PDGFC: variants seen among roughly 807,000 people sequenced by gnomAD.
PDGFC encodes the protein platelet-derived growth factor C.
A neutral mutation model predicts 35.5 loss-of-function variants in PDGFC; 12 were observed. That is an observed-to-expected ratio of 0.34 (90% confidence interval 0.22 to 0.55). PDGFC has a LOEUF of 0.55. Ranked by LOEUF, PDGFC falls within the 20% of genes least tolerant of loss-of-function variation. PDGFC has a pLI of 0.91. For synonymous variants in PDGFC, 159 were observed against 148.8 expected, an observed-to-expected ratio of 1.07 and a Z score of -0.50; for missense variants, 322 against 412.4, an observed-to-expected ratio of 0.78 and a Z score of 1.90.
At chr4:156,766,901 G>C (rs1160709813) in intron 5 of PDGFC, among the ~76,000 whole-genome samples, 2 of 152,020 alleles carry the variant, frequency 1.3e-5, no homozygotes, top group African/African-American at 4.8e-5. Flanking sequence ...CTGAAATCTT[G>C]ATGCATATGA....
chr4:156,944,508 T>C (rs958009869), intron 1 of PDGFC, among the ~76,000 whole-genome samples: 6 of 152,154 alleles, frequency 3.9e-5, no homozygotes, highest in African/African-American at 1.2e-4. Context: ...GTGTGTCTCT[T>C]ACATACTTTC....
intron 3 of PDGFC, chr4:156,779,282 C>T (rs763003413): frequency 1.4e-5 from 6 of 434,514 alleles, no homozygotes; most frequent in Non-Finnish European, 2.8e-5. Context: ...ATTTTTAAGC[C>T]GGCAATGAAA....
At chr4:156,954,503 A>G (rs993614782) in intron 1 of PDGFC, among the ~76,000 whole-genome samples, 1 of 151,994 alleles carries the variant, frequency 6.6e-6, no homozygotes, top group African/African-American at 2.4e-5. Flanking sequence ...ATTCAAAACA[A>G]AAAATACGTC....
chr4:156,912,604 C>T (rs897316356), intron 1 of PDGFC, among the ~76,000 whole-genome samples: 3 of 152,058 alleles, frequency 2.0e-5, no homozygotes, highest in African/African-American at 4.8e-5. Context: ...AGTTCTGAAA[C>T]TGACAGTATT....
intron 1 of PDGFC, among the ~76,000 whole-genome samples, chr4:156,915,069 A>C (rs143662028): frequency 0.013 from 1,979 of 152,236 alleles, 46 homozygotes; most frequent in African/African-American, 0.045. Context: ...CACACACACA[A>C]AAAAATGGCC....
At chr4:156,770,295 A>G (rs1244793969) in intron 4 of PDGFC, 1 of 152,030 alleles carries the variant, frequency 6.6e-6, no homozygotes, top group Non-Finnish European at 1.5e-5. Flanking sequence ...AGAGGAAGAA[A>G]GTGAAAGAAA....
intron 1 of PDGFC, among the ~76,000 whole-genome samples, chr4:156,962,089 C>T (rs928601512): frequency 1.8e-4 from 27 of 152,276 alleles, no homozygotes; most frequent in African/African-American, 6.5e-4. Flanking sequence ...GAATCTTAGA[C>T]ATGAAGACTT....
At chr4:156,837,968 G>A (rs1270296410) in intron 2 of PDGFC, among the ~76,000 whole-genome samples, 1 of 150,380 alleles carries the variant, frequency 6.6e-6, no homozygotes, top group African/African-American at 2.5e-5. Context: ...AGCCCTCTTG[G>A]GAATGATTTT....
chr4:156,924,063 C>G (rs1731350623), intron 1 of PDGFC, among the ~76,000 whole-genome samples: 1 of 152,174 alleles, frequency 6.6e-6, no homozygotes. Flanking sequence ...TCATTTAAAG[C>G]CCTGCTTAAT....
At chr4:156,865,281 C>T (rs900722568) in intron 1 of PDGFC, among the ~76,000 whole-genome samples, 2 of 151,844 alleles carry the variant, frequency 1.3e-5, no homozygotes, top group African/African-American at 4.8e-5. Flanking sequence ...ATACTTCCAA[C>T]GTAACTCTAT....
chr4:156,909,119 C>A (rs1579092955), intron 1 of PDGFC, among the ~76,000 whole-genome samples: 1 of 152,138 alleles, frequency 6.6e-6, no homozygotes, highest in South Asian at 2.1e-4. Context: ...GAGGTGACAG[C>A]TAACGAGTAT....
chr4:156,780,783 C>T (rs1730956603), intron 3 of PDGFC, among the ~76,000 whole-genome samples: 1 of 152,048 alleles, frequency 6.6e-6, no homozygotes, highest in South Asian at 2.1e-4. Flanking sequence ...CAGGGGAAGC[C>T]ATTAGAATGT....
chr4:156,932,599 A>G (rs1731577993), intron 1 of PDGFC, among the ~76,000 whole-genome samples: 1 of 151,976 alleles, frequency 6.6e-6, no homozygotes, highest in African/African-American at 2.4e-5. Context: ...CTTTGTAGGG[A>G]CATGGATGAA....
At chr4:156,765,768 G>A (rs1578994929) in intron 5 of PDGFC, among the ~76,000 whole-genome samples, 1 of 152,100 alleles carries the variant, frequency 6.6e-6, no homozygotes, top group East Asian at 1.9e-4. Flanking sequence ...CTGCTTCAGG[G>A]CAAAATTCAT....
intron 2 of PDGFC, among the ~76,000 whole-genome samples, chr4:156,839,718 G>C (rs1315686045): frequency 1.3e-5 from 2 of 152,202 alleles, no homozygotes; most frequent in Non-Finnish European, 2.9e-5. Flanking sequence ...GGAGGGCTCA[G>C]AAGACAGGAA....
At chr4:156,955,282 C>G (rs906691898) in intron 1 of PDGFC, among the ~76,000 whole-genome samples, 1 of 151,926 alleles carries the variant, frequency 6.6e-6, no homozygotes, top group Non-Finnish European at 1.5e-5. Context: ...AAATGCTGTC[C>G]CAGCCTCTAG....
At chr4:156,813,926 A>G (rs879329305) in intron 2 of PDGFC, among the ~76,000 whole-genome samples, 6 of 152,104 alleles carry the variant, frequency 3.9e-5, no homozygotes, top group Non-Finnish European at 7.4e-5. Flanking sequence ...GCTCCAGCAA[A>G]GGAGATATCT....
intron 1 of PDGFC, among the ~76,000 whole-genome samples, chr4:156,909,466 A>T (rs1730990348): frequency 6.6e-6 from 1 of 152,210 alleles, no homozygotes; most frequent in Admixed American, 6.5e-5. Flanking sequence ...AAATACAAAC[A>T]CATTTGGGAG....
At chr4:156,867,870 C>T (rs570974805) in intron 1 of PDGFC, among the ~76,000 whole-genome samples, 236 of 152,056 alleles carry the variant, frequency 1.6e-3, no homozygotes, top group African/African-American at 5.2e-3. Flanking sequence ...TTAAAAAGAC[C>T]AAATCAATTT....
Sources: gnomAD v4.1 joint callset for allele counts (sites outside exome capture counted in the v4.1 genomes callset) on GRCh38, gnomAD v4.1.1 for gene constraint, MANE v1.5 for transcripts, NCBI Gene and HGNC (gene_info 2026-07-23, HGNC 2026-07-21) for gene names.